Variants in IFT74 observed in about 807,000 individuals in gnomAD.
The protein encoded by IFT74 is intraflagellar transport protein 74 homolog.
IFT74 carries 92 observed loss-of-function variants against 96.7 expected under a neutral mutation model. The observed-to-expected ratio is 0.95, with a 90% CI of 0.80 to 1.13. The LOEUF is 1.13. Among genes scored for constraint, IFT74 ranks in the 50% most tolerant of loss-of-function variants. The pLI is 0.00. For synonymous variants in IFT74, 223 were observed against 213.2 expected (o/e 1.05, Z -0.40); for missense variants, 811 against 698.2 (o/e 1.16, Z -1.82).
rs73436007 is a variant in IFT74 at position 26,978,159 on chromosome 9, G to A, written c.152G>A (p.Arg51His). 88 of 1,608,346 alleles carry A rather than the reference G, an allele frequency of 5.5e-5. No individual in the cohort carries two copies. In the African/African-American group the frequency reaches 8.3e-4, roughly 15 times the overall value. ...MPPGTARPGS[R>H]GCPIGTGGVL... ...CCTGGGACAGCAAGACCAGGTTCTC[G>A]TGGTTGTCCCATAGGGACTGGTGGA... is the stretch of plus-strand genomic sequence containing the variant. Residue 51 changes from arginine to histidine, a missense_variant, in exon 3 of 20, where the codon CGT becomes CAT. Transcript: ENST00000380062.
intron 3 of IFT74, among the ~76,000 whole-genome samples, chr9:26,979,564 C>T (rs907889190): frequency 3.3e-5 from 5 of 151,990 alleles, no homozygotes; most frequent in African/African-American, 1.2e-4. Context: ...TCTCTAGTGC[C>T]CCATTTCCCA....
rs1587438038 is a variant in IFT74 at position 27,062,833 on chromosome 9, T to C, written c.*97T>C. ...AAAAAAAAAAGCTTACTTTTGGAGT[T>C]TACCTAAAATTTCTGAATGTTATAA... On this transcript the variant is annotated 3_prime_UTR_variant, in exon 20 of 20. Transcript: ENST00000380062. The C allele has an allele frequency of 1.9e-5, 13 of 696,558 alleles. No homozygotes were observed. The East Asian group carries it at 3.7e-4, about 20-fold the overall frequency. 43.1% of individuals were successfully genotyped at this position (696,558 alleles called of 1,614,324 possible).
Position 26,976,550 on chromosome 9 carries a change from G to A in IFT74, c.121-1578G>A, listed in dbSNP as rs904491230. On this transcript the variant is annotated intron_variant, in intron 2 of 19. Transcript: ENST00000380062. ...GATAAGGTGGGCGCATGATGGGAGA[G>A]AGGGGAGAGGAGGAAGGGGTCATCT... 4 of 327,582 alleles carry A rather than the reference G, an allele frequency of 1.2e-5. 1 individual carries two copies. The Admixed American group carries it at 1.6e-4, about 13-fold the overall frequency. The allele number at this position is 327,582 out of a possible 1,614,324, so 20.3% of individuals were successfully genotyped here.
At position 27,055,767 on chromosome 9, in the gene IFT74, A is replaced by G. The variant is rs1381354359; in HGVS notation, c.1492A>G (p.Ile498Val). 5 of 1,528,184 alleles carry G rather than the reference A, an allele frequency of 3.3e-6. No individual in the cohort carries two copies. In the African/African-American group the frequency reaches 7.2e-5, roughly 22 times the overall value. 94.7% of individuals were successfully genotyped at this position (1,528,184 alleles called of 1,614,324 possible). Reference protein sequence around the residue: ...PALKSSGEEKIKKLHQERMIL... With the variant: ...PALKSSGEEKVKKLHQERMIL... ...TTTAAAATCATCAGGTGAAGAAAAG[A>G]TAAAGGTAAATGTTAACCAAGTCTT... The change falls in exon 17 of 20, where the codon ATA becomes GTA. Residue 498 changes from isoleucine (I) to valine (V), a missense_variant. By Grantham distance (29) the Ile-to-Val change is conservative. Coordinates refer to ENST00000380062, the MANE Select transcript of IFT74 (RefSeq NM_025103.4).
chr9:27,063,772 A>G lies in IFT74; in HGVS notation c.*1036A>G, dbSNP rs907177819. Among the ~76,000 whole-genome samples the G allele has an allele frequency of 6.6e-6, 1 of 152,124 alleles. No homozygotes were observed. The highest frequency in any genetic ancestry group is 2.4e-5 in the African/African-American group (1 of 41,452). On this transcript the variant is annotated 3_prime_UTR_variant, in exon 20 of 20. Transcript: ENST00000380062. ...ATTTACTCATATATGTTGATTTTTA[A>G]AAATAAATATTTATAATGGTAAATT...
At chr9:27,005,650 G>A (rs982224228) in intron 8 of IFT74, 7 of 149,850 alleles carry the variant, frequency 4.7e-5, no homozygotes, top group Admixed American at 6.6e-5. Flanking sequence ...TGTTTCAACG[G>A]CATTAAAAAA....
At chr9:27,052,302 G>C (rs574711328) in intron 16 of IFT74, among the ~76,000 whole-genome samples, 1 of 152,040 alleles carries the variant, frequency 6.6e-6, no homozygotes, top group South Asian at 2.1e-4. Flanking sequence ...CTGAGGTCAC[G>C]AGTTCAAGAG....
chr9:27,022,919 T>C (rs188329550), intron 12 of IFT74, among the ~76,000 whole-genome samples: 1,592 of 152,248 alleles, frequency 0.01, 37 homozygotes, highest in African/African-American at 0.036. Context: ...ATTACAGGCA[T>C]GAGCCACCGC....
chr9:27,031,254 G>A (rs755020012), intron 13 of IFT74, among the ~76,000 whole-genome samples: 5 of 152,062 alleles, frequency 3.3e-5, no homozygotes, highest in African/African-American at 1.2e-4. Context: ...CGAGGTGGGC[G>A]GATCACCAGG....
chr9:26,961,129 C>T (rs1253684132), intron 1 of IFT74, among the ~76,000 whole-genome samples: 1 of 136,502 alleles, frequency 7.3e-6, no homozygotes, highest in Non-Finnish European at 1.5e-5. Context: ...CTCGCTGTGT[C>T]GCCCAGGCTG....
rs952005404 is a variant in IFT74, at chr9:27,058,093, C to CTTT, written c.1623+1645_1623+1647dup. Among the ~76,000 whole-genome samples the CTTT allele has an allele frequency of 2.8e-5, 4 of 143,938 alleles. No individual in the cohort carries two copies. The South Asian group carries it at 8.9e-4, about 32-fold the overall frequency. The allele number at this position is 143,938 out of a possible 152,430, so 94.4% of individuals were successfully genotyped here. A position where few individuals can be genotyped will look rare whatever the true frequency, so the allele number is the denominator to read the frequency against. ...CATTTTCTTAACTTTTTTCAGCCTTCTTTTTTTTTTTTTCAAACAGAGTCT... is the reference window on the plus strand; with the variant it reads ...CATTTTCTTAACTTTTTTCAGCCTTCTTTTTTTTTTTTTTTTCAAACAGAGTCT... On this transcript the variant is annotated intron_variant, in intron 18 of 19. Coordinates refer to ENST00000380062, the MANE Select transcript of IFT74 (RefSeq NM_025103.4).
At chr9:27,053,142 C>T (rs1249613791) in intron 16 of IFT74, among the ~76,000 whole-genome samples, 2 of 21,822 alleles carry the variant, frequency 9.2e-5, no homozygotes, top group African/African-American at 3.0e-4. Flanking sequence ...GGATTACAGG[C>T]GTGAGCACCG....
rs1390196633 is a variant in IFT74 at position 26,988,690 on chromosome 9, A to G, written c.487A>G (p.Asn163Asp). 1.3e-6 allele frequency: 2 copies of G among 1,545,520 alleles called. No individual in the cohort carries two copies. Among genetic ancestry groups the G allele is most frequent in the African/African-American group, 1.4e-5 (1 of 72,472 alleles). ...TTAGTTGGTAGATAAACTTAATACC[A>G]ACACTGAAATGGAAGAAGTAATGAA... is the stretch of plus-strand genomic sequence containing the variant. ...YNMLVDKLNT[N>D]TEMEEVMNDY... Residue 163 changes from asparagine (N) to aspartate (D), a missense_variant, in exon 7 of 20, where the codon AAC becomes GAC. Asn to Asp is a conservative substitution (Grantham distance 23, BLOSUM62 1). Coordinates refer to ENST00000380062, the MANE Select transcript of IFT74 (RefSeq NM_025103.4).
At chr9:26,974,485 T>C (rs975511969) in intron 2 of IFT74, among the ~76,000 whole-genome samples, 6 of 152,322 alleles carry the variant, frequency 3.9e-5, no homozygotes, top group Admixed American at 1.3e-4. Context: ...TTTGTTGTTG[T>C]ATATCAAATG....
At chr9:26,971,365 C>T (rs1036084576) in intron 2 of IFT74, among the ~76,000 whole-genome samples, 17 of 152,054 alleles carry the variant, frequency 1.1e-4, no homozygotes, top group African/African-American at 3.4e-4. Context: ...CTGATACACC[C>T]ATAAACTCTG....
chr9:27,008,010 GT>G lies in IFT74; in HGVS notation c.588-1008del, dbSNP rs1456728903. Reference sequence around the variant, plus strand: ...TTCTTTTGATTACGTGATAAAAATGGTTATTGCTTCTAATTAATTTCACTAT... The same window carrying G: ...TTCTTTTGATTACGTGATAAAAATGGTATTGCTTCTAATTAATTTCACTAT... On this transcript the variant is annotated intron_variant, in intron 8 of 19. Coordinates refer to ENST00000380062, the MANE Select transcript of IFT74 (RefSeq NM_025103.4). Among the ~76,000 whole-genome samples, 7 of 152,222 alleles carry G rather than the reference GT, an allele frequency of 4.6e-5. No homozygotes were observed. The South Asian group carries it at 6.2e-4, about 14-fold the overall frequency.
chr9:26,965,522 A>G (rs1826570806), intron 2 of IFT74, among the ~76,000 whole-genome samples: 1 of 152,278 alleles, frequency 6.6e-6, no homozygotes, highest in Middle Eastern at 3.4e-3. Context: ...ATAGGATAGT[A>G]AGGGTATCTT....
intron 6 of IFT74, among the ~76,000 whole-genome samples, chr9:26,988,423 G>T (rs1169667585): frequency 1.3e-5 from 2 of 152,170 alleles, no homozygotes; most frequent in Non-Finnish European, 1.5e-5. Flanking sequence ...TATTCAGGAA[G>T]AGTTGTTTAT....
Position 27,009,096 on chromosome 9 carries a change from A to G in IFT74, c.664A>G (p.Met222Val). 1.2e-6 allele frequency: 2 copies of G among 1,612,332 alleles called. No homozygotes were observed. The highest frequency in any genetic ancestry group is 1.7e-4 in the Middle Eastern group (1 of 6,056). ...AGCAACAGATGACATTATCAAAAAT[A>G]TGTCTTTTGAAAACCAAGTCAAGTA... ...KQATDDIIKN[M>V]SFENQVKYLE... The change falls in exon 9 of 20, where the codon ATG (methionine) becomes GTG (valine). Residue 222 changes from methionine to valine, a missense_variant. Physicochemically the swap from Met to Val is conservative, Grantham distance 21 (BLOSUM62 1). Transcript: ENST00000380062.
Sources: allele counts gnomAD v4.1 joint callset (sites outside exome capture counted in the v4.1 genomes callset), GRCh38; gene constraint gnomAD v4.1.1; transcripts MANE v1.5; gene names NCBI Gene and HGNC (gene_info 2026-07-23, HGNC 2026-07-21).